The following GPM6A variants were observed in gnomAD, a reference collection of about 807,000 sequenced individuals.
The protein encoded by GPM6A is neuronal membrane glycoprotein M6-a.
GPM6A carries 7 observed loss-of-function variants against 32.1 expected under a neutral mutation model. The ratio of observed to expected loss-of-function variants is 0.22; its 90% confidence interval spans 0.12 to 0.41. The LOEUF (loss-of-function observed/expected upper bound fraction) is 0.41, where lower values mean the gene tolerates loss of function less well. Ranked by LOEUF, GPM6A falls within the 10% of genes least tolerant of loss-of-function variation. The probability of loss-of-function intolerance (pLI) is 1.00; values close to 1 mark genes in which losing one functional copy is unlikely to be tolerated. For synonymous variants in GPM6A, 130 were observed against 123.4 expected (o/e 1.05, Z -0.35); for missense variants, 235 against 347.2 (o/e 0.68, Z 2.57).
chr4:175,835,296 T>C (rs1236196060), intron 1 of GPM6A, among the ~76,000 whole-genome samples: 2 of 152,150 alleles, frequency 1.3e-5, no homozygotes, highest in Non-Finnish European at 2.9e-5. Flanking sequence ...CTTACTTTTA[T>C]TAACTTTAGT....
intron 1 of GPM6A, among the ~76,000 whole-genome samples, chr4:175,767,820 G>T (rs1364184324): frequency 1.3e-5 from 2 of 152,316 alleles, no homozygotes; most frequent in East Asian, 3.9e-4. Context: ...TGAGTGGGTG[G>T]TTTCACTCTA....
Position 175,861,718 on chromosome 4 carries a change from C to G in GPM6A, c.-22-49469G>C, listed in dbSNP as rs545895994. Reference sequence around the variant, plus strand: ...GTGAGCCAAGATGGTACCATGCACTCCAGGCTGGGTGAGAGAGAGAAAGAG... The same window carrying G: ...GTGAGCCAAGATGGTACCATGCACTGCAGGCTGGGTGAGAGAGAGAAAGAG... On this transcript the variant is annotated intron_variant, in intron 1 of 7. Transcript: ENST00000280187. 1.6e-3 allele frequency among the ~76,000 whole-genome samples: 231 copies of G among 144,774 alleles called. 1 individual carries two copies. Among genetic ancestry groups the G allele is most frequent in the African/African-American group, 5.6e-3 (220 of 39,118 alleles). The allele number at this position is 144,774 out of a possible 152,430, so 95.0% of individuals were successfully genotyped here.
intron 1 of GPM6A, among the ~76,000 whole-genome samples, chr4:175,871,029 T>C (rs1422452503): frequency 3.3e-5 from 5 of 152,032 alleles, no homozygotes; most frequent in Non-Finnish European, 7.4e-5. Context: ...GAACCATTCA[T>C]CTTCTTAATC....
intron 1 of GPM6A, among the ~76,000 whole-genome samples, chr4:175,936,306 CAAAAAAAAAAA>C (rs35653197): frequency 2.2e-5 from 1 of 45,576 alleles, no homozygotes; most frequent in Non-Finnish European, 3.7e-5. Flanking sequence ...ACTCTGTCTC[CAAAAAAAAAAA>C]AAAAAAAAAA....
chr4:175,659,810 A>C (rs1742298256), intron 3 of GPM6A, among the ~76,000 whole-genome samples: 3 of 152,238 alleles, frequency 2.0e-5, no homozygotes, highest in African/African-American at 7.2e-5. Context: ...CCTGGGACAC[A>C]GTAGACACTC....
chr4:175,656,170 A>G (rs774671937), intron 3 of GPM6A, among the ~76,000 whole-genome samples: 1 of 152,114 alleles, frequency 6.6e-6, no homozygotes, highest in Non-Finnish European at 1.5e-5. Flanking sequence ...CTCTTGACCC[A>G]CAAAAAAAAA....
intron 1 of GPM6A, among the ~76,000 whole-genome samples, chr4:175,883,636 T>C (rs182115125): frequency 4.6e-5 from 7 of 152,160 alleles, no homozygotes; most frequent in African/African-American, 9.6e-5. Context: ...GAATTGAATA[T>C]CAAAAATCAT....
chr4:175,837,801 A>G (rs1735813485), intron 1 of GPM6A, among the ~76,000 whole-genome samples: 2 of 152,190 alleles, frequency 1.3e-5, no homozygotes, highest in African/African-American at 4.8e-5. Flanking sequence ...CCATGTCCTC[A>G]TCTGCCTTTG....
chr4:175,660,991 CA>C (rs377324250), intron 3 of GPM6A, among the ~76,000 whole-genome samples: 1 of 151,780 alleles, frequency 6.6e-6, no homozygotes, highest in Non-Finnish European at 1.5e-5. Flanking sequence ...GCTAAGTAAC[CA>C]AAAAAATTAA....
intron 2 of GPM6A, among the ~76,000 whole-genome samples, chr4:175,697,829 A>G (rs17061817): frequency 0.047 from 7,174 of 152,266 alleles, 202 homozygotes; most frequent in Non-Finnish European, 0.063. Flanking sequence ...TTAGGAGCTC[A>G]ACTTCAGGCC....
At chr4:175,847,307 G>T (rs1367083270) in intron 1 of GPM6A, among the ~76,000 whole-genome samples, 1 of 152,142 alleles carries the variant, frequency 6.6e-6, no homozygotes, top group Non-Finnish European at 1.5e-5. Context: ...ATTGCTTTCT[G>T]CTCTTTCTGT....
At chr4:175,800,259 A>T (rs775010855) in intron 1 of GPM6A, among the ~76,000 whole-genome samples, 33 of 152,230 alleles carry the variant, frequency 2.2e-4, no homozygotes, top group Admixed American at 1.3e-3. Context: ...AATATACAAA[A>T]TATAAAAAAC....
chr4:175,772,500 C>A lies in GPM6A; in HGVS notation c.37+39691G>T, dbSNP rs750816854. ...CACAAATAGATCACAGAAGAAGGAG[C>A]TTGAGACTACCCCAATTTTCACATT... On this transcript the variant is annotated intron_variant, in intron 1 of 6. Transcript: ENST00000393658. Among the ~76,000 whole-genome samples, 37 of 152,196 alleles carry A rather than the reference C, an allele frequency of 2.4e-4. 1 individual carries two copies. The highest frequency in any genetic ancestry group is 2.2e-3 in the Admixed American group (33 of 15,282).
intron 1 of GPM6A, among the ~76,000 whole-genome samples, chr4:175,744,488 A>G (rs971051702): frequency 1.3e-5 from 2 of 152,078 alleles, no homozygotes; most frequent in African/African-American, 4.8e-5. Flanking sequence ...TGGACAATCA[A>G]TATAATATAA....
upstream of GPM6A, chr4:175,812,526 A>G: frequency 9.1e-7 from 1 of 1,093,760 alleles, no homozygotes; most frequent in Non-Finnish European, 1.1e-6. Flanking sequence ...AGGTATTCAA[A>G]CAAATAGCCT....
chr4:175,824,610 C>T (rs552131774), intron 1 of GPM6A, among the ~76,000 whole-genome samples: 2 of 152,320 alleles, frequency 1.3e-5, no homozygotes, highest in African/African-American at 2.4e-5. Flanking sequence ...CCACGAGCTA[C>T]ACTTGTTTCT....
At chr4:175,861,537 A>T (rs1420436691) in intron 1 of GPM6A, among the ~76,000 whole-genome samples, 1 of 151,868 alleles carries the variant, frequency 6.6e-6, no homozygotes, top group Non-Finnish European at 1.5e-5. Context: ...AAATCACTTG[A>T]GGTCAAGAGT....
At chr4:175,769,276 A>G (rs1367137016) in intron 1 of GPM6A, among the ~76,000 whole-genome samples, 7 of 152,316 alleles carry the variant, frequency 4.6e-5, no homozygotes, top group African/African-American at 1.4e-4. Context: ...AGCAATGTGA[A>G]TATGGATAAA....
intron 1 of GPM6A, among the ~76,000 whole-genome samples, chr4:175,992,610 A>G (rs116135275): frequency 1.3e-5 from 2 of 152,356 alleles, no homozygotes; most frequent in African/African-American, 4.8e-5. Flanking sequence ...TTTTGGAATA[A>G]GAACAATTAT....
Sources: gnomAD v4.1 joint callset for allele counts (sites outside exome capture counted in the v4.1 genomes callset) on GRCh38, gnomAD v4.1.1 for gene constraint, MANE v1.5 for transcripts, NCBI Gene and HGNC (gene_info 2026-07-23, HGNC 2026-07-21) for gene names.